Variants in TLR6 observed in about 807,000 individuals in gnomAD.
TLR6 encodes the protein toll like receptor 6.
In TLR6, 9 loss-of-function variants were observed where a neutral mutation model predicts 16.1. The observed-to-expected ratio is 0.56, with a 90% CI of 0.34 to 0.98. The LOEUF is 0.98. TLR6 is among the 50% of genes least tolerant of loss of function. The probability of loss-of-function intolerance (pLI) is 0.02; values close to 1 mark genes in which losing one functional copy is unlikely to be tolerated. For synonymous variants in TLR6, 340 were observed against 338.6 expected, an observed-to-expected ratio of 1.00 and a Z score of -0.04; for missense variants, 786 against 921.0, an observed-to-expected ratio of 0.85 and a Z score of 1.90.
intron 1 of TLR6, among the ~76,000 whole-genome samples, chr4:38,850,401 G>T (rs1029983426): frequency 6.6e-6 from 1 of 152,138 alleles, no homozygotes; most frequent in South Asian, 2.1e-4. Flanking sequence ...GAAGGAGATA[G>T]AGACACAAAA....
chr4:38,826,528 A>G (rs556577166), exon 2 of TLR6: 14 of 152,640 alleles, frequency 9.2e-5, no homozygotes, highest in African/African-American at 3.4e-4. Flanking sequence ...TACACTATCA[A>G]GTCATGAGTC....
At chr4:38,840,980 T>C (rs920600517) in intron 1 of TLR6, among the ~76,000 whole-genome samples, 9 of 152,216 alleles carry the variant, frequency 5.9e-5, no homozygotes, top group South Asian at 4.1e-4. Flanking sequence ...CCAGCTCTTA[T>C]GGACTACCTC....
chr4:38,837,722 CA>C lies in TLR6; in HGVS notation c.-64-8186del, dbSNP rs148221045. ...ATGGCTAAAATTTCAAAAGTACAGGCAATGAAAATATGAATAGACAAATGGG... is the reference window on the plus strand; with the variant it reads ...ATGGCTAAAATTTCAAAAGTACAGGCATGAAAATATGAATAGACAAATGGG... On this transcript the variant is annotated intron_variant, in intron 1 of 1. Coordinates refer to ENST00000436693, the Ensembl canonical transcript of TLR6. 7.6e-3 allele frequency among the ~76,000 whole-genome samples: 1,149 copies of C among 152,176 alleles called. 19 individuals are homozygous for C. The highest frequency in any genetic ancestry group is 0.026 in the African/African-American group (1,087 of 41,506).
At chr4:38,854,530 AT>A (rs34658784) in intron 1 of TLR6, among the ~76,000 whole-genome samples, 22,359 of 151,678 alleles carry the variant, frequency 0.15, 2,196 homozygotes, top group Middle Eastern at 0.38. Flanking sequence ...AAAAGGCAAG[AT>A]TTTTTTTTCA....
intron 1 of TLR6, among the ~76,000 whole-genome samples, chr4:38,851,511 C>A (rs1712771751): frequency 6.6e-6 from 1 of 152,196 alleles, no homozygotes; most frequent in Admixed American, 6.5e-5. Context: ...CCAAAATCTC[C>A]TTAAGCTGAT....
chr4:38,827,827 A>T (rs1727622164), exon 2 of TLR6: 1 of 1,614,108 alleles, frequency 6.2e-7, no homozygotes, highest in Admixed American at 1.7e-5. Flanking sequence ...CTAACACTTC[A>T]CTTGATACTT....
At chr4:38,839,670 T>C (rs760149090) in intron 1 of TLR6, among the ~76,000 whole-genome samples, 9 of 152,212 alleles carry the variant, frequency 5.9e-5, no homozygotes, top group Admixed American at 6.5e-5. Flanking sequence ...GTTAACTTCC[T>C]AGCCCTATTC....
Position 38,828,327 on chromosome 4 carries a change from T to A in TLR6, c.1147A>T (p.Ile383Phe), listed in dbSNP as rs748369845. 19 of 1,613,472 alleles carry A rather than the reference T, an allele frequency of 1.2e-5. 1 individual carries two copies. The Admixed American group carries it at 2.2e-4, about 18-fold the overall frequency. Reference sequence around the variant, plus strand: ...TCTTTTAATCCATTCTTTTGTAAGATAAGTGTCTCCAATTTAACTAACGTG... The same window carrying A: ...TCTTTTAATCCATTCTTTTGTAAGAAAAGTGTCTCCAATTTAACTAACGTG... The change falls in exon 2 of 2, where the codon ATC (isoleucine) becomes TTC (phenylalanine). Residue 383 changes from isoleucine (I) to phenylalanine (F), a missense_variant. Coordinates refer to ENST00000436693, the Ensembl canonical transcript of TLR6.
chr4:38,834,278 A>C (rs1711786190), intron 1 of TLR6, among the ~76,000 whole-genome samples: 1 of 149,678 alleles, frequency 6.7e-6, no homozygotes, highest in South Asian at 2.1e-4. Flanking sequence ...ATTAAAAAAC[A>C]GTAGACTAGA....
At chr4:38,841,719 C>T (rs1419450904) in intron 1 of TLR6, among the ~76,000 whole-genome samples, 1 of 152,164 alleles carries the variant, frequency 6.6e-6, no homozygotes. Context: ...TGATCAATCG[C>T]ATCAAAGGAC....
At chr4:38,858,840 A>AGAGAGAGAGG (rs1713117970), upstream of TLR6, among the ~76,000 whole-genome samples, 135 of 59,482 alleles carry the variant, frequency 2.3e-3, 1 homozygote, top group Non-Finnish European at 3.6e-3. Flanking sequence ...AGGAAGAAAG[A>AGAGAGAGAGG]AAGAAAGAAA....
chr4:38,865,936 C>G, the TLR6 span, among the ~76,000 whole-genome samples: 1 of 151,768 alleles, frequency 6.6e-6, no homozygotes, highest in East Asian at 1.9e-4. Context: ...GTCAGGAGTT[C>G]GAGACCAGCC....
intron 1 of TLR6, among the ~76,000 whole-genome samples, chr4:38,842,365 G>A (rs568822572): frequency 3.0e-4 from 46 of 152,302 alleles, no homozygotes; most frequent in African/African-American, 1.1e-3. Context: ...AGCCATAAGT[G>A]GCCTGGCAGA....
chr4:38,842,852 C>CTTT (rs200422208), intron 1 of TLR6, among the ~76,000 whole-genome samples: 1 of 148,528 alleles, frequency 6.7e-6, no homozygotes, highest in Non-Finnish European at 1.5e-5. Flanking sequence ...ATATACTGTG[C>CTTT]TTTTTTTTTT....
chr4:38,841,559 G>A (rs550856217), intron 1 of TLR6, among the ~76,000 whole-genome samples: 1 of 152,316 alleles, frequency 6.6e-6, no homozygotes, highest in South Asian at 2.1e-4. Context: ...AAAGGAGAGA[G>A]AGAGAGAAAG....
chr4:38,841,089 T>G (rs1205607302), intron 1 of TLR6, among the ~76,000 whole-genome samples: 2 of 152,210 alleles, frequency 1.3e-5, no homozygotes, highest in Non-Finnish European at 2.9e-5. Context: ...TTTCTTTTCC[T>G]TTGTCCCATT....
chr4:38,830,379 A>G (rs1222463649), intron 1 of TLR6, among the ~76,000 whole-genome samples: 2 of 152,246 alleles, frequency 1.3e-5, no homozygotes, highest in Non-Finnish European at 2.9e-5. Flanking sequence ...TAGAAAAGTC[A>G]TTAAACAAGC....
chr4:38,840,364 T>G (rs890459641), intron 1 of TLR6, among the ~76,000 whole-genome samples: 29 of 152,292 alleles, frequency 1.9e-4, no homozygotes, highest in Admixed American at 4.6e-4. Context: ...ACTGGCGTGG[T>G]GGCTCACACC....
At chr4:38,850,601 C>T (rs918103412) in intron 1 of TLR6, among the ~76,000 whole-genome samples, 13 of 152,158 alleles carry the variant, frequency 8.5e-5, no homozygotes, top group Non-Finnish European at 1.8e-4. Flanking sequence ...ACTATAAACA[C>T]CTCTATGCAA....
Sources: allele counts gnomAD v4.1 joint callset (sites outside exome capture counted in the v4.1 genomes callset), GRCh38; gene constraint gnomAD v4.1.1; transcripts MANE v1.5; gene names NCBI Gene and HGNC (gene_info 2026-07-23, HGNC 2026-07-21).